DEPDC4: variants seen among roughly 807,000 people sequenced by gnomAD.
DEPDC4 encodes the protein DEP domain-containing protein 4.
In DEPDC4, 52 loss-of-function variants were observed where a neutral mutation model predicts 52.0. The ratio of observed to expected loss-of-function variants is 1.00; its 90% CI spans 0.80 to 1.26. DEPDC4 has a LOEUF of 1.26. DEPDC4 is among the 50% of genes most tolerant of loss of function. The pLI, the probability that DEPDC4 is intolerant of heterozygous loss-of-function variation, is 0.00. For synonymous variants in DEPDC4, 201 were observed against 196.8 expected, an observed-to-expected ratio of 1.02 and a Z score of -0.18; for missense variants, 530 against 546.9, an observed-to-expected ratio of 0.97 and a Z score of 0.31.
chr12:100,259,070 CAAAAAA>C (rs753948687), intron 3 of DEPDC4, among the ~76,000 whole-genome samples: 1 of 121,652 alleles, frequency 8.2e-6, no homozygotes. Flanking sequence ...AAATCTGTCT[CAAAAAA>C]AAAAAATATA....
intron 9 of DEPDC4, among the ~76,000 whole-genome samples, chr12:100,233,385 C>G (rs984564762): frequency 6.6e-6 from 1 of 152,220 alleles, no homozygotes; most frequent in African/African-American, 2.4e-5. Flanking sequence ...GATGCTGTTA[C>G]AAATTCTAAC....
chr12:100,232,411 T>C lies in DEPDC4; in HGVS notation c.*699+5557A>G, dbSNP rs1240286311. Reference sequence around the variant, plus strand: ...ACTCCGTCTCAAAAAAAAAAAAAAATCTTTGTATATGGGTTAATTAACATA... The same window carrying C: ...ACTCCGTCTCAAAAAAAAAAAAAAACCTTTGTATATGGGTTAATTAACATA... On this transcript the variant is annotated intron_variant and NMD_transcript_variant, in intron 9 of 10. Transcript: ENST00000378244. Among the ~76,000 whole-genome samples the C allele has an allele frequency of 5.5e-5, 8 of 144,486 alleles. No individual in the cohort carries two copies. The East Asian group carries it at 6.1e-4, about 11-fold the overall frequency. The allele number at this position is 144,486 out of a possible 152,430, so 94.8% of individuals were successfully genotyped here.
chr12:100,255,454 T>C (rs1294386935), intron 4 of DEPDC4, among the ~76,000 whole-genome samples: 1 of 152,206 alleles, frequency 6.6e-6, no homozygotes, highest in African/African-American at 2.4e-5. Flanking sequence ...CTTTTCTTGT[T>C]TGGCTCACAT....
chr12:100,243,711 T>C (rs969939671), intron 8 of DEPDC4, among the ~76,000 whole-genome samples: 3 of 152,058 alleles, frequency 2.0e-5, no homozygotes, highest in African/African-American at 7.2e-5. Context: ...AATCTCTCCC[T>C]TGACCTTGCA....
intron 9 of DEPDC4, among the ~76,000 whole-genome samples, chr12:100,232,204 C>G (rs2096135703): frequency 1.3e-5 from 2 of 151,562 alleles, no homozygotes. Context: ...CCAGCCTGGC[C>G]AACATGGTGA....
intron 7 of DEPDC4, 138 bp downstream of exon 7, chr12:100,252,038 G>T: frequency 1.3e-6 from 1 of 744,422 alleles, no homozygotes; most frequent in Non-Finnish European, 1.7e-6. Context: ...CTCTTTTGTG[G>T]GTGTGGGGAG....
At chr12:100,280,523 A>G in the DEPDC4 span, among the ~76,000 whole-genome samples, 1 of 152,214 alleles carries the variant, frequency 6.6e-6, no homozygotes, top group Non-Finnish European at 1.5e-5. Context: ...GTTTGAAGAA[A>G]GCTTCCTTTA....
At chr12:100,244,087 C>A (rs1814684351) in intron 8 of DEPDC4, among the ~76,000 whole-genome samples, 1 of 29,440 alleles carries the variant, frequency 3.4e-5, no homozygotes, top group East Asian at 2.4e-3. Flanking sequence ...CTCTCTCTCT[C>A]TCTCTGTGTA....
Position 100,259,415 on chromosome 12 carries a change from G to A in DEPDC4, c.700+2849C>T, listed in dbSNP as rs368320257. Among the ~76,000 whole-genome samples the A allele has an allele frequency of 8.8e-4, 134 of 152,232 alleles. 1 individual carries two copies. Among genetic ancestry groups the A allele is most frequent in the African/African-American group, 3.0e-3 (124 of 41,534 alleles). On this transcript the variant is annotated intron_variant, in intron 3 of 9. Transcript: ENST00000550587. Reference sequence around the variant, plus strand: ...TTGGAGTGTTTGTAGGTGAAAATGTGTATGAATGTAAAAAACCAAGCAAAA... The same window carrying A: ...TTGGAGTGTTTGTAGGTGAAAATGTATATGAATGTAAAAAACCAAGCAAAA...
intron 4 of DEPDC4, among the ~76,000 whole-genome samples, chr12:100,254,787 T>C (rs2096225441): frequency 6.6e-6 from 1 of 152,138 alleles, no homozygotes; most frequent in Non-Finnish European, 1.5e-5. Context: ...AGTGACATAG[T>C]CATAGCTCAC....
rs1261560206 is a variant in DEPDC4 at position 100,255,811 on chromosome 12, GAGA to G, written c.878+235_878+237del. ...ATGACAGAATTTTGGATGATGCGGG[GAGA>G]AGATGATTGACATACAAATGAATTC... On this transcript the variant is annotated intron_variant, in intron 4 of 9. Coordinates refer to ENST00000550587, the MANE Select transcript of DEPDC4 (RefSeq NM_001364818.2). 1.0e-5 allele frequency: 3 copies of G among 287,156 alleles called. No homozygotes were observed. The Admixed American group carries it at 1.4e-4, about 14-fold the overall frequency. The allele number at this position is 287,156 out of a possible 1,614,324, so 17.8% of individuals were successfully genotyped here.
intron 9 of DEPDC4, among the ~76,000 whole-genome samples, chr12:100,234,032 A>G (rs925047762): frequency 2.8e-4 from 42 of 152,092 alleles, no homozygotes; most frequent in Non-Finnish European, 3.5e-4. Context: ...ACTTGAACCC[A>G]GGAGGTTGAG....
chr12:100,233,447 C>T (rs902360848), intron 9 of DEPDC4, among the ~76,000 whole-genome samples: 1 of 152,132 alleles, frequency 6.6e-6, no homozygotes, highest in African/African-American at 2.4e-5. Context: ...TTTCAGATGC[C>T]ATAATAAAAT....
At position 100,266,964 on chromosome 12, in the gene DEPDC4, C is replaced by T; in HGVS notation, c.113G>A (p.Ser38Asn). The change falls in exon 1 of 10, where the codon AGT becomes AAT. Residue 38 changes from serine to asparagine, a missense_variant. Physicochemically the swap from Ser to Asn is conservative, Grantham distance 46. Transcript: ENST00000550587. ...GAAGCCATCTCTACGGTTCCTGGAA[C>T]TTGGCCCGTTCAGCCCTGGGCCCGG... ...ELPGPGLNGP[S>N]SRNRRDGFCR... 1.2e-6 allele frequency: 2 copies of T among 1,614,042 alleles called. No individual in the cohort carries two copies. Among genetic ancestry groups the T allele is most frequent in the East Asian group, 2.2e-5 (1 of 44,864 alleles).
intron 7 of DEPDC4, among the ~76,000 whole-genome samples, chr12:100,251,180 C>T (rs1207373275): frequency 6.6e-6 from 1 of 151,962 alleles, no homozygotes; most frequent in Non-Finnish European, 1.5e-5. Context: ...TCAAATCATC[C>T]CACCCCAGCC....
chr12:100,269,890 G>T (rs1304445230), upstream of DEPDC4, among the ~76,000 whole-genome samples: 1 of 152,096 alleles, frequency 6.6e-6, no homozygotes, highest in Non-Finnish European at 1.5e-5. Context: ...AAGTTATCCA[G>T]GTTATTTAGA....
At chr12:100,256,293 T>G in intron 3 of DEPDC4, 67 bp from the exon 4 acceptor site, 1 of 1,177,612 alleles carries the variant, frequency 8.5e-7, no homozygotes, top group African/African-American at 1.5e-5. Context: ...ACCAATATTA[T>G]AAATCGTTCT....
upstream of DEPDC4, among the ~76,000 whole-genome samples, chr12:100,270,345 T>G (rs2096286285): frequency 6.6e-6 from 1 of 152,198 alleles, no homozygotes; most frequent in Non-Finnish European, 1.5e-5. Context: ...AGTGATCATT[T>G]AATCTAATTT....
downstream of DEPDC4, chr12:100,238,142 T>C (rs2096144845): frequency 1.3e-6 from 1 of 777,866 alleles, no homozygotes; most frequent in Admixed American, 6.3e-5. Flanking sequence ...ATATGCAGAT[T>C]AGGGCAGTTT....
Sources: allele counts gnomAD v4.1 joint callset (sites outside exome capture counted in the v4.1 genomes callset), GRCh38; gene constraint gnomAD v4.1.1; transcripts MANE v1.5; gene names NCBI Gene and HGNC (gene_info 2026-07-23, HGNC 2026-07-21).